Variants in TPD52L3 observed in about 807,000 individuals in gnomAD.
The protein encoded by TPD52L3 is tumor protein D55.
Under a neutral mutation model 8.7 loss-of-function variants are expected in TPD52L3, and 12 were observed. The ratio of observed to expected loss-of-function variants is 1.38; its 90% CI spans 0.89 to 2.24. The LOEUF (loss-of-function observed/expected upper bound fraction) is 2.24, where lower values mean the gene tolerates loss of function less well. Ranked by LOEUF, TPD52L3 falls within the 30% of genes most tolerant of loss-of-function variation. The pLI, the probability that TPD52L3 is intolerant of heterozygous loss-of-function variation, is 0.00. For synonymous variants in TPD52L3, 79 were observed against 66.8 expected, an observed-to-expected ratio of 1.18 and a Z score of -0.89; for missense variants, 207 against 158.7, an observed-to-expected ratio of 1.30 and a Z score of -1.64.
chr9:6,328,646 G>C lies in TPD52L3; in HGVS notation c.51G>C (p.Ser17=). 6.2e-7 allele frequency: 1 copy of C among 1,614,084 alleles called. No individual in the cohort carries two copies. The highest frequency in any genetic ancestry group is 8.5e-7 in the Non-Finnish European group (1 of 1,180,018). Residue 17 remains serine, a synonymous_variant, in exon 1 of 2, where the codon TCG becomes TCC. Transcript: ENST00000314556. The part of the protein sequence containing the change: ...ETSVGTYESH[S]TSELEDLTEP... Reference sequence around the variant, plus strand: ...CTGTGGGCACATATGAATCCCACTCGACTTCTGAACTGGAGGATCTGACAG... The same window carrying C: ...CTGTGGGCACATATGAATCCCACTCCACTTCTGAACTGGAGGATCTGACAG...
chr9:6,330,970 G>A lies in TPD52L3; in HGVS notation c.368-6G>A, dbSNP rs760856499. On this transcript the variant is annotated splice_region_variant and splice_polypyrimidine_tract_variant and intron_variant, in intron 1 of 1. Coordinates refer to ENST00000314556, the MANE Select transcript of TPD52L3 (RefSeq NM_001001874.3). ...GCTGATCATTGTTTTCCCATTTCTG[G>A]CTTAGGATTGATCTTCAATAAATAC... The A allele has an allele frequency of 1.2e-5, 19 of 1,611,482 alleles. 2 individuals carry two copies. In the South Asian group the frequency reaches 1.7e-4, roughly 14 times the overall value.
At position 6,331,643 on chromosome 9, in the gene TPD52L3, A is replaced by G. The variant is rs1055504782; in HGVS notation, c.*624A>G. ...GAAGCACTTAAGTAAAAAAGTAACT[A>G]TCAAATTTTTGTTTTAGATTACTCT... On this transcript the variant is annotated 3_prime_UTR_variant, in exon 2 of 2. Coordinates refer to ENST00000314556, the MANE Select transcript of TPD52L3 (RefSeq NM_001001874.3). The G allele has an allele frequency of 6.6e-6, 1 of 152,188 alleles. No individual in the cohort carries two copies. The highest frequency in any genetic ancestry group is 2.4e-5 in the African/African-American group (1 of 41,448). 9.4% of individuals were successfully genotyped at this position (152,188 alleles called of 1,614,324 possible).
At chr9:6,330,753 G>C in intron 1 of TPD52L3, 1 of 1,303,766 alleles carries the variant, frequency 7.7e-7, no homozygotes, top group Non-Finnish European at 9.8e-7. Context: ...CAGCATACAA[G>C]AAATGAAAGT....
intron 1 of TPD52L3, chr9:6,329,964 G>T: frequency 7.6e-7 from 1 of 1,319,868 alleles, no homozygotes; most frequent in Non-Finnish European, 9.7e-7. Context: ...CACTTAAAAG[G>T]AAGAAATTGC....
At chr9:6,330,536 T>G in intron 1 of TPD52L3, 1 of 1,208,028 alleles carries the variant, frequency 8.3e-7, no homozygotes, top group Non-Finnish European at 1.0e-6. Context: ...GGTTTTCCTA[T>G]AAGCAAAACC....
In TPD52L3 at chr9:6,328,647, A is replaced by C; in HGVS notation, c.52A>C (p.Thr18Pro). 3.1e-6 allele frequency: 5 copies of C among 1,614,126 alleles called. No individual in the cohort carries two copies. Among genetic ancestry groups the C allele is most frequent in the Non-Finnish European group, 4.2e-6 (5 of 1,180,026 alleles). The change falls in exon 1 of 2, where the codon ACT (threonine) becomes CCT (proline). Residue 18 changes from threonine (T) to proline (P), a missense_variant. Physicochemically the swap from Thr to Pro is conservative, Grantham distance 38 (BLOSUM62 -1). Coordinates refer to ENST00000314556, the MANE Select transcript of TPD52L3 (RefSeq NM_001001874.3). ...TGTGGGCACATATGAATCCCACTCG[A>C]CTTCTGAACTGGAGGATCTGACAGA... is the stretch of plus-strand genomic sequence containing the variant. Reference protein sequence around the residue: ...TSVGTYESHSTSELEDLTEPE... With the variant: ...TSVGTYESHSPSELEDLTEPE...
At chr9:6,330,051 G>A in intron 1 of TPD52L3, 1 of 1,452,472 alleles carries the variant, frequency 6.9e-7, no homozygotes, top group South Asian at 1.6e-5. Context: ...CCAAATTCAA[G>A]AAAGATAAAC....
At chr9:6,329,211 C>G (rs1417663762) in intron 1 of TPD52L3, 1 of 1,408,956 alleles carries the variant, frequency 7.1e-7, no homozygotes, top group Non-Finnish European at 9.3e-7. Context: ...TGCAAGGACC[C>G]CCTTCCCTTA....
chr9:6,328,471 C>G lies in TPD52L3; in HGVS notation c.-125C>G, dbSNP rs1008260304. 2 of 1,200,660 alleles carry G rather than the reference C, an allele frequency of 1.7e-6. No individual in the cohort carries two copies. The highest frequency in any genetic ancestry group is 2.9e-5 in the South Asian group (2 of 67,878). 74.4% of individuals were successfully genotyped at this position (1,200,660 alleles called of 1,614,324 possible). A position where few individuals can be genotyped will look rare whatever the true frequency, so the allele number is the denominator to read the frequency against. ...AAATCTGACTCCACCTGCCAAGAGT[C>G]TGAGCCTGCAGGCCTAGATTTCGAC... On this transcript the variant is annotated 5_prime_UTR_variant, in exon 1 of 2. Transcript: ENST00000314556.
Position 6,328,842 on chromosome 9 carries a change from G to A in TPD52L3, c.247G>A (p.Val83Ile), listed in dbSNP as rs1202065485. The A allele has an allele frequency of 6.2e-7, 1 of 1,614,100 alleles. No individual in the cohort carries two copies. The highest frequency in any genetic ancestry group is 1.3e-5 in the African/African-American group (1 of 74,940). The change falls in exon 1 of 2, where the codon GTT (valine) becomes ATT (isoleucine). Residue 83 changes from valine to isoleucine, a missense_variant. Coordinates refer to ENST00000314556, the MANE Select transcript of TPD52L3 (RefSeq NM_001001874.3). ...RQNLSKSWLD[V>I]QVSNTYVKQK... ...GAATCTGTCCAAGAGCTGGCTTGAT[G>A]TTCAGGTCTCCAACACCTATGTGAA... is the stretch of plus-strand genomic sequence containing the variant.
chr9:6,331,090 C>A lies in TPD52L3; in HGVS notation c.*71C>A, dbSNP rs1818142724. 3 of 1,507,528 alleles carry A rather than the reference C, an allele frequency of 2.0e-6. No homozygotes were observed. Among genetic ancestry groups the A allele is most frequent in the Non-Finnish European group, 1.8e-6 (2 of 1,096,254 alleles). 93.4% of individuals were successfully genotyped at this position (1,507,528 alleles called of 1,614,324 possible). Reference sequence around the variant, plus strand: ...ACAACATGAACTTGTTCACAAGTTCCTTCTGCTTTTAAACAAAAATATCGT... The same window carrying A: ...ACAACATGAACTTGTTCACAAGTTCATTCTGCTTTTAAACAAAAATATCGT... On this transcript the variant is annotated 3_prime_UTR_variant, in exon 2 of 2. Coordinates refer to ENST00000314556, the MANE Select transcript of TPD52L3 (RefSeq NM_001001874.3).
At position 6,331,128 on chromosome 9, in the gene TPD52L3, C is replaced by T; in HGVS notation, c.*109C>T. Reference sequence around the variant, plus strand: ...ACAAAAATATCGTGTTTATTCAAAGCCAATCTGAGACCCTACTCTGTATCA... The same window carrying T: ...ACAAAAATATCGTGTTTATTCAAAGTCAATCTGAGACCCTACTCTGTATCA... On this transcript the variant is annotated 3_prime_UTR_variant, in exon 2 of 2. Transcript: ENST00000314556. 1.7e-6 allele frequency: 2 copies of T among 1,178,178 alleles called. No homozygotes were observed. Among genetic ancestry groups the T allele is most frequent in the East Asian group, 2.4e-5 (1 of 42,234 alleles). 73.0% of individuals were successfully genotyped at this position (1,178,178 alleles called of 1,614,324 possible).
At chr9:6,330,538 A>G in intron 1 of TPD52L3, 1 of 1,205,794 alleles carries the variant, frequency 8.3e-7, no homozygotes, top group Non-Finnish European at 1.0e-6. Context: ...TTTTCCTATA[A>G]GCAAAACCAA....
Position 6,328,862 on chromosome 9 carries a change from T to C in TPD52L3, c.267T>C (p.Tyr89=), listed in dbSNP as rs1389859949. ...TTGATGTTCAGGTCTCCAACACCTA[T>C]GTGAAACAGAAGACATCAGCTGCTC... The part of the protein sequence containing the change: ...SWLDVQVSNT[Y]VKQKTSAALS... Residue 89 remains tyrosine (Y), a synonymous_variant, in exon 1 of 2, where the codon TAT becomes TAC. Coordinates refer to ENST00000314556, the MANE Select transcript of TPD52L3 (RefSeq NM_001001874.3). The C allele has an allele frequency of 6.2e-7, 1 of 1,614,148 alleles. No individual in the cohort carries two copies. Among genetic ancestry groups the C allele is most frequent in the East Asian group, 2.2e-5 (1 of 44,874 alleles).
In TPD52L3 at chr9:6,330,992, A is replaced by T; in HGVS notation, c.384A>T (p.Lys128Asn). The T allele has an allele frequency of 6.2e-7, 1 of 1,612,960 alleles. No individual in the cohort carries two copies. The highest frequency in any genetic ancestry group is 8.5e-7 in the Non-Finnish European group (1 of 1,179,444). ...FRSFEGLIFN[K>N]YTLNQGRN Reference sequence around the variant, plus strand: ...CTGGCTTAGGATTGATCTTCAATAAATACACGTTAAATCAAGGAAGGAATT... The same window carrying T: ...CTGGCTTAGGATTGATCTTCAATAATTACACGTTAAATCAAGGAAGGAATT... The change falls in exon 2 of 2, where the codon AAA becomes AAT. Residue 128 changes from lysine to asparagine, a missense_variant. Physicochemically the swap from Lys to Asn is moderately conservative, Grantham distance 94. Transcript: ENST00000314556.
At chr9:6,329,067 G>A (rs557547228) in intron 1 of TPD52L3, 105 bp downstream of exon 1, 1 of 1,582,634 alleles carries the variant, frequency 6.3e-7, no homozygotes, top group East Asian at 2.2e-5. Context: ...CAGTTTTGGG[G>A]TGTGGGGAAG....
At chr9:6,330,011 A>T (rs1000784367) in intron 1 of TPD52L3, 2 of 1,361,108 alleles carry the variant, frequency 1.5e-6, no homozygotes, top group African/African-American at 3.0e-5. Flanking sequence ...TACCACCTCC[A>T]GCTGAGGGGC....
Position 6,330,691 on chromosome 9 carries a change from G to T in TPD52L3, c.368-285G>T, listed in dbSNP as rs1377271676. 49 of 1,229,490 alleles carry T rather than the reference G, an allele frequency of 4.0e-5. 1 individual carries two copies. The Admixed American group carries it at 1.9e-3, about 49-fold the overall frequency. The allele number at this position is 1,229,490 out of a possible 1,614,324, so 76.2% of individuals were successfully genotyped here. A position where few individuals can be genotyped will look rare whatever the true frequency, so the allele number is the denominator to read the frequency against. On this transcript the variant is annotated intron_variant, in intron 1 of 1. Transcript: ENST00000314556. Reference sequence around the variant, plus strand: ...TTGCATGTTCGATTTTTAATTTGTTGTGTTTATCAACCAAAATGGCTTTGT... The same window carrying T: ...TTGCATGTTCGATTTTTAATTTGTTTTGTTTATCAACCAAAATGGCTTTGT...
intron 1 of TPD52L3, chr9:6,330,671 T>C (rs986624792): frequency 3.3e-6 from 4 of 1,207,168 alleles, no homozygotes; most frequent in South Asian, 6.7e-5. Context: ...CTATTTTGCA[T>C]GTTCGATTTT....
Sources: gnomAD v4.1 joint callset for allele counts on GRCh38, gnomAD v4.1.1 for gene constraint, MANE v1.5 for transcripts, NCBI Gene and HGNC (gene_info 2026-07-23, HGNC 2026-07-21) for gene names.